The following CHD7 variants were observed in gnomAD, a reference collection of about 807,000 sequenced individuals.
CHD7 encodes the protein ATP-dependent chromatin remodeler CHD7.
A neutral mutation model predicts 307.3 loss-of-function variants in CHD7; 24 were observed. That is an observed-to-expected ratio of 0.08 (90% CI 0.06 to 0.11). The LOEUF is 0.11. Among genes scored for constraint, CHD7 ranks in the 10% least tolerant of loss-of-function variants. The probability of loss-of-function intolerance (pLI) is 1.00; values close to 1 mark genes in which losing one functional copy is unlikely to be tolerated. For missense variants in CHD7, 3,106 were observed against 3,727.1 expected, an observed-to-expected ratio of 0.83 and a Z score of 4.34; for synonymous variants, 1,363 against 1,349.9, an observed-to-expected ratio of 1.01 and a Z score of -0.21.
rs773831895 is a variant in CHD7 at position 60,742,985 on chromosome 8, A to G, written c.1553A>G (p.Gln518Arg). ...CAGTTGCCAACCTGTCCTCCACTGC[A>G]GCCTCACCCGGGCTTGCACCACCAG... ...FQQLPTCPPLQPHPGLHHQSS... is the reference protein window; with the variant it reads ...FQQLPTCPPLRPHPGLHHQSS... Residue 518 changes from glutamine (Q) to arginine (R), a missense_variant, in exon 2 of 38, where the codon CAG (glutamine) becomes CGG (arginine). Around this residue, in one of 10 missense-constraint regions of CHD7, gnomAD observed 998 missense variants for 1,004.5 expected, o/e 0.99. Transcript: ENST00000423902. 1 of 1,613,822 alleles carries G rather than the reference A, an allele frequency of 6.2e-7. No homozygotes were observed. The highest frequency in any genetic ancestry group is 8.5e-7 in the Non-Finnish European group (1 of 1,179,818).
intron 1 of CHD7, among the ~76,000 whole-genome samples, chr8:60,723,964 T>G (rs1349711550): frequency 6.6e-6 from 1 of 152,222 alleles, no homozygotes; most frequent in Non-Finnish European, 1.5e-5. Context: ...GAGTCAGACC[T>G]GGGTCCTCAC....
intron 6 of CHD7, among the ~76,000 whole-genome samples, chr8:60,802,195 T>C (rs970302268): frequency 1.3e-5 from 2 of 152,256 alleles, no homozygotes; most frequent in East Asian, 1.9e-4. Flanking sequence ...ACTAGCCTGC[T>C]AGCTTTGTCA....
intron 24 of CHD7, 81 bp from the exon 25 acceptor site, chr8:60,848,970 A>T: frequency 9.2e-7 from 1 of 1,087,096 alleles, no homozygotes; most frequent in South Asian, 1.3e-5. Context: ...CGTGGGAGAG[A>T]GGGCATGTGA....
intron 3 of CHD7, among the ~76,000 whole-genome samples, chr8:60,794,473 T>TG (rs1811923308): frequency 1.3e-5 from 2 of 152,188 alleles, no homozygotes; most frequent in Admixed American, 6.5e-5. Context: ...AACAGGAAAT[T>TG]GCTATGTATT....
At chr8:60,735,143 G>A (rs908771853) in intron 1 of CHD7, among the ~76,000 whole-genome samples, 4 of 152,294 alleles carry the variant, frequency 2.6e-5, no homozygotes, top group South Asian at 2.1e-4. Flanking sequence ...CATCTGCTTC[G>A]TTCAACACTG....
intron 2 of CHD7, among the ~76,000 whole-genome samples, chr8:60,748,987 TA>T (rs372874769): frequency 6.0e-5 from 9 of 149,228 alleles, no homozygotes; most frequent in African/African-American, 1.5e-4. Flanking sequence ...TTTTTTTTTT[TA>T]AAAAAATAGC....
chr8:60,820,388 A>G (rs1344442526), intron 9 of CHD7, among the ~76,000 whole-genome samples: 1 of 152,212 alleles, frequency 6.6e-6, no homozygotes, highest in Admixed American at 6.5e-5. Flanking sequence ...ACATTTTGGT[A>G]TAAATCTGTC....
At chr8:60,820,792 C>G (rs1803991677) in intron 9 of CHD7, among the ~76,000 whole-genome samples, 1 of 152,172 alleles carries the variant, frequency 6.6e-6, no homozygotes, top group Admixed American at 6.5e-5. Flanking sequence ...TTCTTCCAAA[C>G]TCTGTGTCAT....
intron 32 of CHD7, 142 bp from the exon 33 acceptor site, chr8:60,855,833 C>G: frequency 1.6e-6 from 1 of 623,740 alleles, no homozygotes; most frequent in East Asian, 2.7e-5. Context: ...TGTTTGATTT[C>G]TTGCCTTGTT....
intron 22 of CHD7, 49 bp from the exon 23 acceptor site, chr8:60,845,201 A>G (rs762612842): frequency 8.8e-6 from 14 of 1,583,210 alleles, no homozygotes; most frequent in Admixed American, 1.8e-5. Context: ...CATTGACACT[A>G]TAATTGGAAT....
At chr8:60,790,534 G>T (rs371206135) in intron 3 of CHD7, among the ~76,000 whole-genome samples, 1 of 152,080 alleles carries the variant, frequency 6.6e-6, no homozygotes, top group East Asian at 1.9e-4. Context: ...CAAGGTTGAC[G>T]CTATGTGGGG....
At chr8:60,848,370 C>T in intron 23 of CHD7, 145 bp from the exon 24 acceptor site, 1 of 600,028 alleles carries the variant, frequency 1.7e-6, no homozygotes, top group South Asian at 2.1e-5. Flanking sequence ...TATGTGCCAC[C>T]ATCTGTCACG....
intron 1 of CHD7, among the ~76,000 whole-genome samples, chr8:60,719,610 G>A (rs1250966514): frequency 6.6e-6 from 1 of 152,138 alleles, no homozygotes; most frequent in East Asian, 1.9e-4. Flanking sequence ...AATAAATAAA[G>A]CCCTGGGGTA....
intron 1 of CHD7, among the ~76,000 whole-genome samples, chr8:60,720,594 C>T (rs991021962): frequency 1.3e-5 from 2 of 152,206 alleles, no homozygotes; most frequent in East Asian, 1.9e-4. Flanking sequence ...CTTCTGTGAT[C>T]GCCTTCTGTG....
At chr8:60,777,278 T>G (rs1810995886) in intron 2 of CHD7, among the ~76,000 whole-genome samples, 2 of 152,230 alleles carry the variant, frequency 1.3e-5, no homozygotes, top group South Asian at 4.1e-4. Context: ...GGGTGCCCTG[T>G]ATGACAAAAT....
rs1805741771 is a variant in CHD7, at chr8:60,856,860, T to C, written c.7580T>C (p.Met2527Thr). The C allele has an allele frequency of 1.3e-6, 2 of 1,566,354 alleles. No homozygotes were observed. The highest frequency in any genetic ancestry group is 1.7e-6 in the Non-Finnish European group (2 of 1,158,098). ...GTGGAGGGACTTGATCTGCTTTTCA[T>C]GAGCCACAAACGGACGTCATTGAGT... ...KNVEGLDLLFMSHKRTSLSAE... is the reference protein window; with the variant it reads ...KNVEGLDLLFTSHKRTSLSAE... Residue 2527 changes from methionine (M) to threonine (T), a missense_variant, in exon 34 of 38, where the codon ATG becomes ACG. By Grantham distance (81) the Met-to-Thr change is moderately conservative. This residue lies in a region of CHD7 where 1,030 missense variants were observed against 1,165.4 expected (regional missense o/e 0.88). Coordinates refer to ENST00000423902, the MANE Select transcript of CHD7 (RefSeq NM_017780.4).
At chr8:60,859,990 A>AGGAATATT (rs1246605811) in intron 34 of CHD7, among the ~76,000 whole-genome samples, 1 of 152,142 alleles carries the variant, frequency 6.6e-6, no homozygotes. Context: ...GAGACCATTT[A>AGGAATATT]GGAATATTGC....
At chr8:60,831,763 G>A (rs899144334) in intron 15 of CHD7, among the ~76,000 whole-genome samples, 1 of 152,070 alleles carries the variant, frequency 6.6e-6, no homozygotes, top group East Asian at 1.9e-4. Flanking sequence ...GGCCAGCAGT[G>A]CAATTAGATT....
intron 21 of CHD7, among the ~76,000 whole-genome samples, chr8:60,842,953 G>C (rs1443435603): frequency 6.6e-6 from 1 of 152,072 alleles, no homozygotes; most frequent in Non-Finnish European, 1.5e-5. Context: ...TCTTCCCACT[G>C]CCTAGAGGAC....
Sources: allele counts gnomAD v4.1 joint callset (sites outside exome capture counted in the v4.1 genomes callset), GRCh38; gene constraint gnomAD v4.1.1; regional missense constraint gnomAD v4.1.1; transcripts MANE v1.5; gene names NCBI Gene and HGNC (gene_info 2026-07-23, HGNC 2026-07-21).